The following NCAM1 variants were observed in gnomAD, a reference collection of about 807,000 sequenced individuals.
NCAM1 encodes the protein antigen recognized by monoclonal antibody 5.1H11.
A neutral mutation model predicts 109.8 loss-of-function variants in NCAM1; 14 were observed. The observed-to-expected ratio is 0.13, with a 90% CI of 0.08 to 0.20. NCAM1 has a LOEUF of 0.20. Ranked by LOEUF, NCAM1 falls within the 10% of genes least tolerant of loss-of-function variation. The pLI is 1.00. For synonymous variants in NCAM1, 418 were observed against 442.9 expected (o/e 0.94, Z 0.70); for missense variants, 774 against 1,109.9 (o/e 0.70, Z 4.30).
intron 1 of NCAM1, among the ~76,000 whole-genome samples, chr11:113,085,739 G>A (rs1163801236): frequency 6.6e-6 from 1 of 152,116 alleles, no homozygotes; most frequent in Non-Finnish European, 1.5e-5. Context: ...CCTTAAAGAA[G>A]GGATCTTGGC....
chr11:112,998,113 C>T (rs1412618289), intron 1 of NCAM1, among the ~76,000 whole-genome samples: 1 of 152,136 alleles, frequency 6.6e-6, no homozygotes, highest in Non-Finnish European at 1.5e-5. Context: ...GAACTTGAGG[C>T]CCAGAAAGGG....
intron 8 of NCAM1, among the ~76,000 whole-genome samples, chr11:113,219,115 TATTA>T (rs1555114828): frequency 3.9e-5 from 6 of 152,164 alleles, no homozygotes. Context: ...TATGAAGCCT[TATTA>T]AGGAAAGGAG....
rs181789105 is a variant in NCAM1 at position 113,231,625 on chromosome 11, T to C, written c.1090-20T>C. ...CTGCCTTGGGCTCTGACATGCTCCC[T>C]TCCCCCCCACCCCCGGCAGACTCTG... On this transcript the variant is annotated intron_variant, in intron 9 of 19. Coordinates refer to ENST00000316851, the MANE Select transcript of NCAM1 (RefSeq NM_181351.5). The C allele has an allele frequency of 1.1e-5, 14 of 1,321,836 alleles. No homozygotes were observed. Among genetic ancestry groups the C allele is most frequent in the Admixed American group, 6.9e-5 (4 of 57,672 alleles). The allele number at this position is 1,321,836 out of a possible 1,614,324, so 81.9% of individuals were successfully genotyped here. A position where few individuals can be genotyped will look rare whatever the true frequency, so the allele number is the denominator to read the frequency against.
intron 15 of NCAM1, among the ~76,000 whole-genome samples, chr11:113,254,607 C>T (rs900044138): frequency 6.6e-6 from 1 of 152,158 alleles, no homozygotes; most frequent in African/African-American, 2.4e-5. Flanking sequence ...AGAAGTGAGG[C>T]GTGACTCTCG....
In NCAM1 at chr11:112,962,623, G is replaced by C. The variant is rs188956035; in HGVS notation, c.52+959G>C. ...CTGGGAGGAAGACAGTAGTGATGCTGCCGCGGGTGGCGGGGGTTGCGCCGC... is the reference window on the plus strand; with the variant it reads ...CTGGGAGGAAGACAGTAGTGATGCTCCCGCGGGTGGCGGGGGTTGCGCCGC... On this transcript the variant is annotated intron_variant, in intron 1 of 19. Transcript: ENST00000316851. The surrounding 1 kb of genome is among the most constrained non-coding windows in gnomAD (Gnocchi z 5.6). Among the ~76,000 whole-genome samples, 1,648 of 152,296 alleles carry C rather than the reference G, an allele frequency of 0.011. 13 individuals carry two copies. The highest frequency in any genetic ancestry group is 0.016 in the Non-Finnish European group (1,112 of 68,016).
intron 8 of NCAM1, among the ~76,000 whole-genome samples, chr11:113,219,388 G>A (rs1944623155): frequency 6.6e-6 from 1 of 152,186 alleles, no homozygotes; most frequent in African/African-American, 2.4e-5. Flanking sequence ...ATGAATAATG[G>A]AATACCTAAG....
At chr11:113,094,672 C>T (rs1591319428) in intron 1 of NCAM1, among the ~76,000 whole-genome samples, 2 of 152,162 alleles carry the variant, frequency 1.3e-5, no homozygotes, top group Non-Finnish European at 2.9e-5. Context: ...TAACTGCCCC[C>T]TGTCTGGGGT....
At chr11:113,059,098 C>G (rs961753485) in intron 1 of NCAM1, among the ~76,000 whole-genome samples, 1 of 152,184 alleles carries the variant, frequency 6.6e-6, no homozygotes, top group Admixed American at 6.5e-5. Flanking sequence ...GCTTCTCCCC[C>G]ACTTGCCTAT....
rs143380614 is a variant in NCAM1 at position 113,016,632 on chromosome 11, A to G, written c.52+54968A>G. Among the ~76,000 whole-genome samples the G allele has an allele frequency of 3.4e-3, 514 of 152,258 alleles. 2 individuals are homozygous for G. The highest frequency in any genetic ancestry group is 0.012 in the African/African-American group (488 of 41,542). ...GGGTGTGCCAGTTGCCTGTTGTATG[A>G]CAGTCTCCTAAGAGACTTTACTGGT... On this transcript the variant is annotated intron_variant, in intron 1 of 19. Transcript: ENST00000316851.
intron 14 of NCAM1, chr11:113,240,689 T>A: frequency 8.7e-7 from 1 of 1,154,014 alleles, no homozygotes; most frequent in Non-Finnish European, 1.3e-6. Flanking sequence ...CAGCTCCTCA[T>A]ACTGATGCCC....
At chr11:113,017,635 T>TGTGTGTGTGTGTGTGTGTGTGTGTG (rs1555075495) in intron 1 of NCAM1, among the ~76,000 whole-genome samples, 2 of 145,178 alleles carry the variant, frequency 1.4e-5, no homozygotes, top group African/African-American at 2.5e-5. Context: ...CAGTACTGTT[T>TGTGTGTGTGTGTGTGTGTGTGTGTG]TGTGTGTGTG....
chr11:113,161,774 G>A (rs1423624962), intron 1 of NCAM1, among the ~76,000 whole-genome samples: 6 of 152,188 alleles, frequency 3.9e-5, no homozygotes, highest in African/African-American at 1.2e-4. Context: ...CCTGGAGTGT[G>A]TAGGTTTCTA....
At chr11:113,062,294 T>C (rs1937701786) in intron 1 of NCAM1, among the ~76,000 whole-genome samples, 1 of 152,226 alleles carries the variant, frequency 6.6e-6, no homozygotes, top group African/African-American at 2.4e-5. Flanking sequence ...AGTGGTGTTC[T>C]GTCTCCATGG....
rs782230366 is a variant in NCAM1, at chr11:113,205,581, C to T, written c.405C>T (p.Ala135=). Residue 135 remains alanine (A), a synonymous_variant, in exon 4 of 20, where the codon GCC becomes GCT. Coordinates refer to ENST00000316851, the MANE Select transcript of NCAM1 (RefSeq NM_181351.5). ...TPQEFREGED[A]VIVCDVVSSL... ...AGGAGTTCCGGGAGGGGGAAGATGC[C>T]GTGATTGTGTGTGATGTGGTCAGCT... The T allele has an allele frequency of 1.7e-5, 27 of 1,613,412 alleles. No homozygotes were observed. Among genetic ancestry groups the T allele is most frequent in the South Asian group, 3.3e-5 (3 of 91,052 alleles).
intron 1 of NCAM1, among the ~76,000 whole-genome samples, chr11:112,964,143 T>G (rs1565351697): frequency 0.013 from 570 of 45,354 alleles, 4 homozygotes; most frequent in Non-Finnish European, 0.014. Flanking sequence ...TTTTTTTGTT[T>G]TTTTTTTTTT....
intron 15 of NCAM1, among the ~76,000 whole-genome samples, chr11:113,249,256 G>T (rs1015650871): frequency 6.6e-6 from 1 of 152,088 alleles, no homozygotes; most frequent in Non-Finnish European, 1.5e-5. Context: ...TCACAGCTGT[G>T]TGTCTGGATT....
In NCAM1 at chr11:113,214,436, C is replaced by A; in HGVS notation, c.984C>A (p.Thr328=). ...AATTAGAGGAGCAGGTCACTCTTAC[C>A]TGTGAAGCCTCCGGAGACCCCATTC... ...AMELEEQVTL[T]CEASGDPIPS... Residue 328 remains threonine, a synonymous_variant, in exon 8 of 20, where the codon ACC becomes ACA. Coordinates refer to ENST00000316851, the MANE Select transcript of NCAM1 (RefSeq NM_181351.5). 1 of 1,613,716 alleles carries A rather than the reference C, an allele frequency of 6.2e-7. No individual in the cohort carries two copies. Among genetic ancestry groups the A allele is most frequent in the Non-Finnish European group, 8.5e-7 (1 of 1,179,740 alleles).
intron 1 of NCAM1, among the ~76,000 whole-genome samples, chr11:113,126,691 G>A (rs7947910): frequency 0.42 from 64,443 of 151,950 alleles, 14,814 homozygotes; most frequent in Middle Eastern, 0.54. Context: ...TTACATGAAC[G>A]GTTCTCATAA....
chr11:113,165,633 C>G (rs966556773), intron 1 of NCAM1, among the ~76,000 whole-genome samples: 1 of 152,026 alleles, frequency 6.6e-6, no homozygotes, highest in Non-Finnish European at 1.5e-5. Flanking sequence ...TTTTCCTGCA[C>G]CCTTACGACC....
Sources: allele counts gnomAD v4.1 joint callset (sites outside exome capture counted in the v4.1 genomes callset), GRCh38; gene constraint gnomAD v4.1.1; non-coding constraint Gnocchi (gnomAD v3.1); transcripts MANE v1.5; gene names NCBI Gene and HGNC (gene_info 2026-07-23, HGNC 2026-07-21).